THRB: variants seen among roughly 807,000 people sequenced by gnomAD.
THRB encodes the protein thyroid hormone receptor beta, also known as nuclear receptor subfamily 1 group A member 2.
In THRB, 12 loss-of-function variants were observed where a neutral mutation model predicts 47.8. The ratio of observed to expected loss-of-function variants is 0.25; its 90% CI spans 0.16 to 0.41. The LOEUF (loss-of-function observed/expected upper bound fraction) is 0.41, where lower values mean the gene tolerates loss of function less well. Ranked by LOEUF, THRB falls within the 10% of genes least tolerant of loss-of-function variation. The probability of loss-of-function intolerance (pLI) is 1.00; values close to 1 mark genes in which losing one functional copy is unlikely to be tolerated. For missense variants in THRB, 348 were observed against 589.2 expected (o/e 0.59, Z 4.24); for synonymous variants, 218 against 212.2 (o/e 1.03, Z -0.24).
chr3:24,460,732 A>C (rs1044157033), intron 1 of THRB, among the ~76,000 whole-genome samples: 2 of 152,180 alleles, frequency 1.3e-5, no homozygotes, highest in Non-Finnish European at 2.9e-5. Flanking sequence ...AAAGATGGGG[A>C]AAAGGTAAAA....
chr3:24,307,643 T>G (rs753614337), intron 2 of THRB, among the ~76,000 whole-genome samples: 16 of 151,978 alleles, frequency 1.1e-4, no homozygotes, highest in Non-Finnish European at 1.9e-4. Context: ...TTCTGGATGG[T>G]TTTTTTTAGG....
At chr3:24,237,215 A>G (rs76620756) in intron 3 of THRB, among the ~76,000 whole-genome samples, 1,625 of 152,282 alleles carry the variant, frequency 0.011, 31 homozygotes, top group African/African-American at 0.037. Context: ...TCCACTGGGT[A>G]TGGCAGGAGA....
At chr3:24,174,005 T>C (rs1316034259) in intron 5 of THRB, among the ~76,000 whole-genome samples, 1 of 152,204 alleles carries the variant, frequency 6.6e-6, no homozygotes, top group Non-Finnish European at 1.5e-5. Context: ...ACAGCAGCTA[T>C]GACTGGCCAC....
chr3:24,390,106 T>TAC (rs2149959899), intron 1 of THRB, among the ~76,000 whole-genome samples: 1 of 152,148 alleles, frequency 6.6e-6, no homozygotes, highest in East Asian at 1.9e-4. Flanking sequence ...CCCATACCCC[T>TAC]ACCCATAAGC....
intron 1 of THRB, among the ~76,000 whole-genome samples, chr3:24,401,239 G>A (rs2067375504): frequency 6.6e-6 from 1 of 152,042 alleles, no homozygotes; most frequent in Non-Finnish European, 1.5e-5. Context: ...TAACATGTGA[G>A]GCTATAAAAA....
At chr3:24,376,092 C>T (rs536992718) in intron 1 of THRB, among the ~76,000 whole-genome samples, 2 of 151,862 alleles carry the variant, frequency 1.3e-5, no homozygotes, top group Non-Finnish European at 1.5e-5. Context: ...CCAAGCTTGG[C>T]GAGTGATCAA....
At chr3:24,413,186 C>A (rs1393944956) in intron 1 of THRB, among the ~76,000 whole-genome samples, 2 of 151,762 alleles carry the variant, frequency 1.3e-5, no homozygotes, top group African/African-American at 4.8e-5. Context: ...TTATGTTCAA[C>A]AATAGTTGAA....
chr3:24,347,792 G>T (rs2063117577), intron 1 of THRB, among the ~76,000 whole-genome samples: 1 of 151,856 alleles, frequency 6.6e-6, no homozygotes, highest in South Asian at 2.1e-4. Flanking sequence ...ATAAAAATGT[G>T]AATGGTACTA....
At chr3:24,253,464 A>C (rs954940670) in intron 3 of THRB, among the ~76,000 whole-genome samples, 52 of 152,336 alleles carry the variant, frequency 3.4e-4, no homozygotes, top group African/African-American at 1.3e-3. Context: ...GCAATTAAAC[A>C]AATAAATGTC....
At chr3:24,299,105 G>C (rs2056696307) in intron 2 of THRB, among the ~76,000 whole-genome samples, 1 of 151,676 alleles carries the variant, frequency 6.6e-6, no homozygotes, top group Admixed American at 6.6e-5. Flanking sequence ...AAAATTAGCT[G>C]GGCGTGGTGG....
intron 3 of THRB, among the ~76,000 whole-genome samples, chr3:24,240,322 G>A (rs182446434): frequency 3.5e-4 from 53 of 152,290 alleles, no homozygotes; most frequent in Middle Eastern, 6.8e-3. Context: ...AATAAATCAG[G>A]CTTGGTTATT....
intron 3 of THRB, among the ~76,000 whole-genome samples, chr3:24,246,675 G>A (rs1381458668): frequency 1.3e-5 from 2 of 152,092 alleles, no homozygotes; most frequent in Non-Finnish European, 1.5e-5. Flanking sequence ...CCCAGTGAGA[G>A]AATATTTAGA....
chr3:24,373,144 T>TA (rs893449521), intron 1 of THRB, among the ~76,000 whole-genome samples: 2 of 151,134 alleles, frequency 1.3e-5, no homozygotes, highest in East Asian at 3.9e-4. Flanking sequence ...TTCTACAACT[T>TA]AAAAAAAAAG....
intron 2 of THRB, among the ~76,000 whole-genome samples, chr3:24,305,118 G>A (rs1576693011): frequency 6.6e-6 from 1 of 152,134 alleles, no homozygotes. Context: ...TGAAAAAGAC[G>A]AAAACCTCCT....
intron 3 of THRB, among the ~76,000 whole-genome samples, chr3:24,292,693 T>G (rs1202242575): frequency 6.6e-6 from 1 of 152,160 alleles, no homozygotes; most frequent in African/African-American, 2.4e-5. Context: ...AGTAAAGAAG[T>G]CAGTGGTCTC....
intron 2 of THRB, among the ~76,000 whole-genome samples, chr3:24,299,445 C>T (rs1465209067): frequency 6.6e-6 from 1 of 151,964 alleles, no homozygotes; most frequent in East Asian, 1.9e-4. Context: ...TCTTTGGATG[C>T]TTTTCAAGAA....
At chr3:24,436,230 GA>G (rs369736708) in intron 1 of THRB, among the ~76,000 whole-genome samples, 9,555 of 142,972 alleles carry the variant, frequency 0.067, 472 homozygotes, top group African/African-American at 0.14. Flanking sequence ...CTAAGGAAAA[GA>G]AAAAAAAAAA....
chr3:24,204,404 G>A (rs1479900867), intron 4 of THRB, among the ~76,000 whole-genome samples: 1 of 152,228 alleles, frequency 6.6e-6, no homozygotes, highest in Non-Finnish European at 1.5e-5. Context: ...GTCTAGAGTG[G>A]ACCTCTAGCA....
intron 2 of THRB, among the ~76,000 whole-genome samples, chr3:24,328,766 C>T (rs879469681): frequency 6.6e-6 from 1 of 152,190 alleles, no homozygotes; most frequent in Non-Finnish European, 1.5e-5. Flanking sequence ...TACCTCCAAC[C>T]TACCTGTCTT....
Sources: allele counts gnomAD v4.1 joint callset (sites outside exome capture counted in the v4.1 genomes callset), GRCh38; gene constraint gnomAD v4.1.1; transcripts MANE v1.5; gene names NCBI Gene and HGNC (gene_info 2026-07-23, HGNC 2026-07-21).